The following NUP93 variants were observed in gnomAD, a reference collection of about 807,000 sequenced individuals.
NUP93 encodes nuclear pore complex protein Nup93.
NUP93 carries 55 observed loss-of-function variants against 107.8 expected under a neutral mutation model. That is an observed-to-expected ratio of 0.51 (90% CI 0.41 to 0.64). The LOEUF is 0.64. Ranked by LOEUF, NUP93 falls within the 30% of genes least tolerant of loss-of-function variation. The pLI, the probability that NUP93 is intolerant of heterozygous loss-of-function variation, is 0.00. For missense variants in NUP93, 937 were observed against 1,044.7 expected (o/e 0.90, Z 1.42); for synonymous variants, 390 against 397.5 (o/e 0.98, Z 0.22).
In NUP93 at chr16:56,830,642, T is replaced by C. The variant is rs1385913949; in HGVS notation, c.1042T>C (p.Phe348Leu). 1 of 1,604,634 alleles carries C rather than the reference T, an allele frequency of 6.2e-7. No homozygotes were observed. The highest frequency in any genetic ancestry group is 1.7e-5 in the Admixed American group (1 of 59,806). The part of the protein sequence containing the change: ...VNRAQHQLGE[F>L]KTWFQEYMNS... ...TCGAGCCCAGCACCAGCTGGGAGAG[T>C]TTAAAACCTGGTTCCAGGAGTACAT... is the stretch of plus-strand genomic sequence containing the variant. Residue 348 changes from phenylalanine (F) to leucine (L), a missense_variant, in exon 10 of 22, where the codon TTT (phenylalanine) becomes CTT (leucine). By Grantham distance (22) the Phe-to-Leu change is conservative. Transcript: ENST00000308159.
At position 56,730,140 on chromosome 16, in the gene NUP93, G is replaced by T. The variant is rs1265730227; in HGVS notation, c.-86G>T. ...AGCCTTGGCCAATCAGGAAGCGGGG[G>T]AGAGCGGCGCGAGAAGCGGCGGCCG... is the stretch of plus-strand genomic sequence containing the variant. On this transcript the variant is annotated 5_prime_UTR_variant, in exon 1 of 22. Coordinates refer to ENST00000308159, the MANE Select transcript of NUP93 (RefSeq NM_014669.5). 6.6e-6 allele frequency: 1 copy of T among 152,254 alleles called. No individual in the cohort carries two copies. Among genetic ancestry groups the T allele is most frequent in the Admixed American group, 6.5e-5 (1 of 15,290 alleles). The allele number at this position is 152,254 out of a possible 1,614,324, so 9.4% of individuals were successfully genotyped here.
At chr16:56,730,958 C>T in intron 1 of NUP93, among the ~76,000 whole-genome samples, 1 of 152,156 alleles carries the variant, frequency 6.6e-6, no homozygotes, top group Non-Finnish European at 1.5e-5. Flanking sequence ...ACCGAGTTGT[C>T]TTTCAGCAAA....
chr16:56,837,786 T>A, intron 18 of NUP93, 60 bp downstream of exon 18: 3 of 1,250,116 alleles, frequency 2.4e-6, no homozygotes, highest in Middle Eastern at 3.7e-4. Context: ...CCAGGCCACC[T>A]ATGCCCACCC....
intron 3 of NUP93, among the ~76,000 whole-genome samples, chr16:56,772,128 G>A (rs948382979): frequency 6.6e-6 from 1 of 151,974 alleles, no homozygotes. Context: ...TTTTAGACTG[G>A]CTGTCAGCAG....
chr16:56,843,979 G>A (rs1964074506), intron 21 of NUP93, among the ~76,000 whole-genome samples: 1 of 152,194 alleles, frequency 6.6e-6, no homozygotes, highest in Non-Finnish European at 1.5e-5. Flanking sequence ...TGTCGGGAAG[G>A]GAGAAACAGG....
chr16:56,760,911 T>G (rs1228837603), intron 3 of NUP93, among the ~76,000 whole-genome samples: 1 of 151,854 alleles, frequency 6.6e-6, no homozygotes, highest in Non-Finnish European at 1.5e-5. Context: ...GTCCCTCCTG[T>G]GTGCACCACT....
intron 3 of NUP93, among the ~76,000 whole-genome samples, chr16:56,763,389 ACT>A (rs1962159826): frequency 1.3e-5 from 2 of 152,058 alleles, no homozygotes; most frequent in African/African-American, 2.4e-5. Flanking sequence ...TCAACTAGAA[ACT>A]CTCTGCTTCT....
At chr16:56,839,735 G>A in intron 20 of NUP93, 131 bp downstream of exon 20, 1 of 754,018 alleles carries the variant, frequency 1.3e-6, no homozygotes, top group South Asian at 1.6e-5. Context: ...TTCCAGAGTG[G>A]TTCCCTTTCA....
rs578261238 is a variant in NUP93 at position 56,787,612 on chromosome 16, G to A, written c.298-10864G>A. The stretch of plus-strand genomic sequence containing the variant: ...AGACACTAGATATGACAAAGCTGGG[G>A]ATCTGTGTGTGTGCTTTAAATAGTA... On this transcript the variant is annotated intron_variant, in intron 3 of 21. Coordinates refer to ENST00000308159, the MANE Select transcript of NUP93 (RefSeq NM_014669.5). 5.3e-5 allele frequency among the ~76,000 whole-genome samples: 8 copies of A among 152,254 alleles called. No individual in the cohort carries two copies. In the East Asian group the frequency reaches 1.3e-3, roughly 26 times the overall value.
chr16:56,738,795 T>TG (rs1961653253), intron 1 of NUP93, among the ~76,000 whole-genome samples: 1 of 152,122 alleles, frequency 6.6e-6, no homozygotes, highest in South Asian at 2.1e-4. Context: ...TTTGATACCT[T>TG]GGGTGGAGGT....
At chr16:56,830,853 A>C (rs184468429) in intron 10 of NUP93, among the ~76,000 whole-genome samples, 168 bp downstream of exon 10, 147 of 152,310 alleles carry the variant, frequency 9.7e-4, no homozygotes, top group African/African-American at 3.5e-3. Context: ...AGGAGTGAAA[A>C]CATTAAAAGA....
intron 10 of NUP93, 137 bp downstream of exon 10, chr16:56,830,822 A>G: frequency 1.4e-6 from 1 of 719,978 alleles, no homozygotes; most frequent in Non-Finnish European, 2.1e-6. Flanking sequence ...TTTGAAAGCA[A>G]ATAGAACTCT....
chr16:56,736,740 C>T (rs1286789042), intron 1 of NUP93, among the ~76,000 whole-genome samples: 1 of 152,202 alleles, frequency 6.6e-6, no homozygotes. Context: ...TTTGAGTGCA[C>T]GGGGGCAGGT....
chr16:56,794,584 TAGAGAGAG>T (rs10596725), intron 3 of NUP93, among the ~76,000 whole-genome samples: 6,192 of 148,074 alleles, frequency 0.042, 431 homozygotes, highest in East Asian at 0.32. Flanking sequence ...GTGTGTGTGA[TAGAGAGAG>T]AGAGAGAGAG....
chr16:56,759,413 A>G (rs1962084919), intron 3 of NUP93, among the ~76,000 whole-genome samples: 1 of 152,202 alleles, frequency 6.6e-6, no homozygotes, highest in South Asian at 2.1e-4. Flanking sequence ...TTTGGGCTCA[A>G]TTTGAATTAA....
intron 3 of NUP93, among the ~76,000 whole-genome samples, chr16:56,790,883 A>G (rs1340211169): frequency 6.6e-6 from 1 of 152,096 alleles, no homozygotes; most frequent in African/African-American, 2.4e-5. Context: ...CTGCTTTATT[A>G]TATTTTCTTT....
Position 56,843,339 on chromosome 16 carries a change from A to G in NUP93, c.2350-1160A>G, listed in dbSNP as rs998739751. Reference sequence around the variant, plus strand: ...GTGCTCTGTGTGCTGCTTACAGTTCAGTGGGGCTTGCCCACTGAGAAGAGC... The same window carrying G: ...GTGCTCTGTGTGCTGCTTACAGTTCGGTGGGGCTTGCCCACTGAGAAGAGC... On this transcript the variant is annotated intron_variant, in intron 21 of 21. Coordinates refer to ENST00000308159, the MANE Select transcript of NUP93 (RefSeq NM_014669.5). 2.6e-5 allele frequency among the ~76,000 whole-genome samples: 4 copies of G among 152,180 alleles called. No individual in the cohort carries two copies. The South Asian group carries it at 8.3e-4, about 32-fold the overall frequency.
chr16:56,822,056 T>C (rs1181387821), intron 7 of NUP93, among the ~76,000 whole-genome samples: 1 of 144,682 alleles, frequency 6.9e-6, no homozygotes, highest in Non-Finnish European at 1.5e-5. Context: ...TTTGTTCTCC[T>C]GCCTCACCCT....
intron 3 of NUP93, among the ~76,000 whole-genome samples, chr16:56,766,415 C>G (rs577374340): frequency 6.6e-6 from 1 of 152,188 alleles, no homozygotes; most frequent in East Asian, 1.9e-4. Flanking sequence ...TGCCCCAGCA[C>G]TCTGGTGATG....
Sources: gnomAD v4.1 joint callset for allele counts (sites outside exome capture counted in the v4.1 genomes callset) on GRCh38, gnomAD v4.1.1 for gene constraint, MANE v1.5 for transcripts, NCBI Gene and HGNC (gene_info 2026-07-23, HGNC 2026-07-21) for gene names.